LRP1: variants seen among roughly 807,000 people sequenced by gnomAD.
LRP1 encodes LDL receptor related protein 1, also known as prolow-density lipoprotein receptor-related protein 1.
Under a neutral mutation model 541.5 loss-of-function variants are expected in LRP1, and 51 were observed. The ratio of observed to expected loss-of-function variants is 0.09; its 90% CI spans 0.08 to 0.12. The LOEUF (loss-of-function observed/expected upper bound fraction) is 0.12, where lower values mean the gene tolerates loss of function less well. LRP1 is among the 10% of genes least tolerant of loss of function. The pLI, the probability that LRP1 is intolerant of heterozygous loss-of-function variation, is 1.00. For missense variants in LRP1, 3,878 were observed against 6,376.2 expected (o/e 0.61, Z 13.34); for synonymous variants, 2,219 against 2,470.8 (o/e 0.90, Z 3.02).
In LRP1 at chr12:57,179,241, G is replaced by A. The variant is rs34892779; in HGVS notation, c.4739-88G>A. On this transcript the variant is annotated intron_variant, in intron 28 of 88. Transcript: ENST00000243077. The surrounding 1 kb of genome is among the most constrained non-coding windows in gnomAD (Gnocchi z 6.8). ...AGCCAAGGGCCAGTAGCAAACAGAC[G>A]GATCCAGAAGAAGGCAGGGCCTGAA... 71 of 1,235,962 alleles carry A rather than the reference G, an allele frequency of 5.7e-5. No individual in the cohort carries two copies. The highest frequency in any genetic ancestry group is 1.8e-4 in the Admixed American group (9 of 50,766). 76.6% of individuals were successfully genotyped at this position (1,235,962 alleles called of 1,614,324 possible). A position where few individuals can be genotyped will look rare whatever the true frequency, so the allele number is the denominator to read the frequency against.
At chr12:57,134,009 G>C (rs1249117705) in intron 1 of LRP1, among the ~76,000 whole-genome samples, 1 of 152,146 alleles carries the variant, frequency 6.6e-6, no homozygotes, top group Non-Finnish European at 1.5e-5. Context: ...CAGAATGACA[G>C]CCAAGGGTCA....
In LRP1 at chr12:57,196,181, C is replaced by T. The variant is rs1341535736; in HGVS notation, c.8796C>T (p.Asp2932=). 1 of 1,612,774 alleles carries T rather than the reference C, an allele frequency of 6.2e-7. No homozygotes were observed. ...LLCNGQDDCG[D]SSDERGCHIN... is the part of the protein sequence containing the mutation. ...GCAACGGCCAGGATGACTGTGGCGA[C>T]AGCTCGGACGAGCGTGGCTGCCACA... The change falls in exon 55 of 89, where the codon GAC becomes GAT. Residue 2932 remains aspartate, a synonymous_variant. Transcript: ENST00000243077.
In LRP1 at chr12:57,211,466, GC is replaced by G. The variant is rs2036914245; in HGVS notation, c.13092-19del. ...CACGCCTCTGCCAGCCCCAGCCCCA[GC>G]CTCTGATTCCTTCCTGCAGCTGCAC... On this transcript the variant is annotated intron_variant, in intron 84 of 88. Coordinates refer to ENST00000243077, the MANE Select transcript of LRP1 (RefSeq NM_002332.3). This position sits in a 1 kb window ranked among gnomAD's most constrained non-coding sequence, Gnocchi z 4.3. The G allele has an allele frequency of 6.2e-7, 1 of 1,612,664 alleles. No homozygotes were observed. The highest frequency in any genetic ancestry group is 2.2e-5 in the East Asian group (1 of 44,882).
Position 57,204,896 on chromosome 12 carries a change from C to T in LRP1, c.11194+147C>T. The T allele has an allele frequency of 1.4e-6, 2 of 1,394,736 alleles. No homozygotes were observed. Among genetic ancestry groups the T allele is most frequent in the Middle Eastern group, 2.4e-4 (1 of 4,200 alleles). 86.4% of individuals were successfully genotyped at this position (1,394,736 alleles called of 1,614,324 possible). ...GGATCCATTGCTAGGAGCCTGGGGGCTTTTCGTTAGGAAAGAGAAGCCCCT... is the reference window on the plus strand; with the variant it reads ...GGATCCATTGCTAGGAGCCTGGGGGTTTTTCGTTAGGAAAGAGAAGCCCCT... On this transcript the variant is annotated intron_variant, in intron 72 of 88. Transcript: ENST00000243077. This position sits in a 1 kb window ranked among gnomAD's most constrained non-coding sequence, Gnocchi z 5.3.
In LRP1 at chr12:57,180,788, T is replaced by C; in HGVS notation, c.5508T>C (p.Tyr1836=). 1 of 1,614,002 alleles carries C rather than the reference T, an allele frequency of 6.2e-7. No homozygotes were observed. Residue 1836 remains tyrosine (Y), a synonymous_variant, in exon 33 of 89, where the codon TAT becomes TAC. Transcript: ENST00000243077. The part of the protein sequence containing the change: ...STTLVMHMKV[Y]DESIQLDHKG... Reference sequence around the variant, plus strand: ...CCCTGGTGATGCACATGAAGGTCTATGACGAGAGCATCCAGCTGGGTAGGT... The same window carrying C: ...CCCTGGTGATGCACATGAAGGTCTACGACGAGAGCATCCAGCTGGGTAGGT...
Position 57,154,615 on chromosome 12 carries a change from G to A in LRP1, c.1141G>A (p.Val381Ile), listed in dbSNP as rs757360423. The A allele has an allele frequency of 3.1e-6, 5 of 1,609,682 alleles. No homozygotes were observed. The highest frequency in any genetic ancestry group is 1.6e-4 in the Middle Eastern group (1 of 6,062). The change falls in exon 8 of 89, where the codon GTC (valine) becomes ATC (isoleucine). Residue 381 changes from valine to isoleucine, a missense_variant. Physicochemically the swap from Val to Ile is conservative, Grantham distance 29. Transcript: ENST00000243077. This position sits in a 1 kb window ranked among gnomAD's most constrained non-coding sequence, Gnocchi z 4.6. ...CACGCTGGACCTGGTCAGCCGCCTT[G>A]TCTACTGGGCAGATGCCTATCTGGA... ...GITLDLVSRL[V>I]YWADAYLDYI...
Position 57,178,903 on chromosome 12 carries a change from T to C in LRP1, c.4620T>C (p.Cys1540=). The change falls in exon 28 of 89, where the codon TGT becomes TGC. Residue 1540 remains cysteine (C), a synonymous_variant. Transcript: ENST00000243077. The surrounding 1 kb of genome is among the most constrained non-coding windows in gnomAD (Gnocchi z 5.8). ...PSRQPMAPNP[C]EANGGQGPCS... ...CCCTGCCCCCAGCTCCCAATCCCTG[T>C]GAGGCCAATGGGGGCCAGGGCCCCT... is the stretch of plus-strand genomic sequence containing the variant. The C allele has an allele frequency of 6.2e-7, 1 of 1,613,254 alleles. No homozygotes were observed. The highest frequency in any genetic ancestry group is 8.5e-7 in the Non-Finnish European group (1 of 1,179,774).
At position 57,173,122 on chromosome 12, in the gene LRP1, C is replaced by A; in HGVS notation, c.3164-46C>A. Reference sequence around the variant, plus strand: ...AGGGCACAGGGATGAGGAGGGCTGACCTGGGCAACCCCTCCCTCCTGAGGC... The same window carrying A: ...AGGGCACAGGGATGAGGAGGGCTGAACTGGGCAACCCCTCCCTCCTGAGGC... On this transcript the variant is annotated intron_variant, in intron 20 of 88. Transcript: ENST00000243077. The surrounding 1 kb of genome is among the most constrained non-coding windows in gnomAD (Gnocchi z 4.7). The A allele has an allele frequency of 6.6e-7, 1 of 1,524,986 alleles. No homozygotes were observed. The highest frequency in any genetic ancestry group is 8.9e-7 in the Non-Finnish European group (1 of 1,125,648). The allele number at this position is 1,524,986 out of a possible 1,614,324, so 94.5% of individuals were successfully genotyped here.
At chr12:57,166,408 A>T in intron 17 of LRP1, 199 bp downstream of exon 17, 1 of 646,838 alleles carries the variant, frequency 1.5e-6, no homozygotes, top group Non-Finnish European at 2.5e-6. Flanking sequence ...AAAAATTTAA[A>T]AAAACTGCCG....
Position 57,201,940 on chromosome 12 carries a change from C to T in LRP1, c.10594+35C>T, listed in dbSNP as rs781648719. ...GACCCCACTCCAGGAGGAAGACAGT[C>T]TACCTGGGTGGGAGGCATGGCACCC... On this transcript the variant is annotated intron_variant, in intron 67 of 88. Coordinates refer to ENST00000243077, the MANE Select transcript of LRP1 (RefSeq NM_002332.3). This position sits in a 1 kb window ranked among gnomAD's most constrained non-coding sequence, Gnocchi z 6.4. 2.5e-6 allele frequency: 4 copies of T among 1,612,538 alleles called. No homozygotes were observed. Among genetic ancestry groups the T allele is most frequent in the Admixed American group, 1.7e-5 (1 of 59,994 alleles).
At chr12:57,167,213 T>A (rs1231973037) in intron 18 of LRP1, among the ~76,000 whole-genome samples, 167 bp downstream of exon 18, 2 of 152,044 alleles carry the variant, frequency 1.3e-5, no homozygotes, top group Non-Finnish European at 2.9e-5. Context: ...CACAGCATTG[T>A]GTCTCAGCAA....
rs777493940 is a variant in LRP1, at chr12:57,203,270, G to A, written c.10801G>A (p.Ala3601Thr). ...GAAATGCGATGGAGACCACGACTGC[G>A]CGGACGGCTCGGACGAGGTGGGCAG... is the stretch of plus-strand genomic sequence containing the variant. ...RWKCDGDHDC[A>T]DGSDEKDCTP... The change falls in exon 69 of 89, where the codon GCG becomes ACG. Residue 3601 changes from alanine (A) to threonine (T), a missense_variant. By Grantham distance (58) the Ala-to-Thr change is moderately conservative. Coordinates refer to ENST00000243077, the MANE Select transcript of LRP1 (RefSeq NM_002332.3). 63 of 1,608,648 alleles carry A rather than the reference G, an allele frequency of 3.9e-5. No homozygotes were observed. The highest frequency in any genetic ancestry group is 5.3e-5 in the African/African-American group (4 of 74,858).
chr12:57,201,902 T>C lies in LRP1; in HGVS notation c.10591T>C (p.Cys3531Arg). 6.2e-7 allele frequency: 1 copy of C among 1,613,024 alleles called. No homozygotes were observed. The highest frequency in any genetic ancestry group is 8.5e-7 in the Non-Finnish European group (1 of 1,179,724). ...GDGSDEPKEE[C>R]DERTCEPYQF... ...TGGCTCGGATGAGCCCAAGGAAGAG[T>C]GTGGTGAGCCGAGACCCCACTCCAG... is the stretch of plus-strand genomic sequence containing the variant. Residue 3531 changes from cysteine to arginine, a missense_variant, in exon 67 of 89, where the codon TGT (cysteine) becomes CGT (arginine). Physicochemically the swap from Cys to Arg is radical, Grantham distance 180 (BLOSUM62 -3). This residue lies in a region of LRP1 where 278 missense variants were observed against 536.3 expected (regional missense o/e 0.52). Transcript: ENST00000243077. The surrounding 1 kb of genome is among the most constrained non-coding windows in gnomAD (Gnocchi z 6.4).
intron 19 of LRP1, among the ~76,000 whole-genome samples, chr12:57,167,789 C>A (rs1393178491): frequency 2.0e-5 from 3 of 152,200 alleles, no homozygotes. Flanking sequence ...GGCTCGGAGG[C>A]CAGGGAGAGA....
At position 57,169,335 on chromosome 12, in the gene LRP1, G is replaced by T. The variant is rs781425599; in HGVS notation, c.3163+28G>T. The T allele has an allele frequency of 2.2e-5, 35 of 1,579,544 alleles. 1 individual carries two copies. The highest frequency in any genetic ancestry group is 1.7e-4 in the South Asian group (15 of 89,144). ...GGGCACCAGGGGCCCGTGGGGTGGGGATGAGATCGAGCCCCCTGCATCAGA... is the reference window on the plus strand; with the variant it reads ...GGGCACCAGGGGCCCGTGGGGTGGGTATGAGATCGAGCCCCCTGCATCAGA... On this transcript the variant is annotated intron_variant, in intron 20 of 88. Coordinates refer to ENST00000243077, the MANE Select transcript of LRP1 (RefSeq NM_002332.3).
chr12:57,170,843 T>C (rs1471376507), intron 20 of LRP1, among the ~76,000 whole-genome samples: 2 of 151,988 alleles, frequency 1.3e-5, no homozygotes. Flanking sequence ...TAAAAAAAAC[T>C]ACAGACCAAA....
Position 57,203,510 on chromosome 12 carries a change from G to C in LRP1, c.10940G>C (p.Cys3647Ser). The C allele has an allele frequency of 6.5e-7, 1 of 1,542,226 alleles. No homozygotes were observed. The highest frequency in any genetic ancestry group is 8.8e-7 in the Non-Finnish European group (1 of 1,140,382). The change falls in exon 70 of 89, where the codon TGC becomes TCC. Residue 3647 changes from cysteine (C) to serine (S), a missense_variant. Cys to Ser is a moderately radical substitution (Grantham distance 112). Transcript: ENST00000243077. ...ATGGACGGCAGCGACGAGGAGGCCT[G>C]CGGCACTGGCGGTGCGCCCCTTGGC... Reference protein sequence around the residue: ...DCMDGSDEEACGTGVRTCPLD... With the variant: ...DCMDGSDEEASGTGVRTCPLD...
chr12:57,212,454 A>G lies in LRP1; in HGVS notation c.13534A>G (p.Met4512Val). The G allele has an allele frequency of 2.5e-6, 4 of 1,614,098 alleles. No homozygotes were observed. The highest frequency in any genetic ancestry group is 3.4e-6 in the Non-Finnish European group (4 of 1,180,000). Residue 4512 changes from methionine (M) to valine (V), a missense_variant, in exon 89 of 89, where the codon ATG (methionine) becomes GTG (valine). By Grantham distance (21) the Met-to-Val change is conservative (BLOSUM62 1). Transcript: ENST00000243077. The surrounding 1 kb of genome is among the most constrained non-coding windows in gnomAD (Gnocchi z 5.0). ...CAACCCCGTGTATGCCACACTCTAC[A>G]TGGGGGGCCATGGCAGTCGCCACTC... ...FTNPVYATLYMGGHGSRHSLA... is the reference protein window; with the variant it reads ...FTNPVYATLYVGGHGSRHSLA...
At chr12:57,161,301 T>C (rs949874672) in intron 13 of LRP1, among the ~76,000 whole-genome samples, 186 bp downstream of exon 13, 1 of 152,196 alleles carries the variant, frequency 6.6e-6, no homozygotes, top group Non-Finnish European at 1.5e-5. Context: ...GCATGTCTTA[T>C]GTATTGTGTT....
Sources: allele counts gnomAD v4.1 joint callset (sites outside exome capture counted in the v4.1 genomes callset), GRCh38; gene constraint gnomAD v4.1.1; regional missense constraint gnomAD v4.1.1; non-coding constraint Gnocchi (gnomAD v3.1); transcripts MANE v1.5; gene names NCBI Gene and HGNC (gene_info 2026-07-23, HGNC 2026-07-21).